BLTP3B: variants seen among roughly 807,000 people sequenced by gnomAD.
The protein encoded by BLTP3B is UHRF1 (ICBP90) binding protein 1-like.
the BLTP3B span, among the ~76,000 whole-genome samples, chr12:100,081,759 T>C: frequency 1.2e-4 from 19 of 152,242 alleles, no homozygotes; most frequent in African/African-American, 4.3e-4. Flanking sequence ...ATTCTTTTCA[T>C]GGCTACATAG....
At chr12:100,122,247 G>C in the BLTP3B span, among the ~76,000 whole-genome samples, 352 of 152,248 alleles carry the variant, frequency 2.3e-3, 8 homozygotes, top group East Asian at 0.04. Flanking sequence ...GCAATTTTAA[G>C]CTTAAAAAAG....
At chr12:100,084,998 T>C in the BLTP3B span, among the ~76,000 whole-genome samples, 1 of 152,092 alleles carries the variant, frequency 6.6e-6, no homozygotes, top group African/African-American at 2.4e-5. Flanking sequence ...GAAAATATTA[T>C]CAAATAAATA....
At chr12:100,142,829 G>GGCC in the BLTP3B span, 2 of 706,758 alleles carry the variant, frequency 2.8e-6, no homozygotes, top group Non-Finnish European at 4.4e-6. Context: ...AGGCCGCCAC[G>GGCC]GCCGCCGCGG....
the BLTP3B span, among the ~76,000 whole-genome samples, chr12:100,136,119 G>A: frequency 6.6e-6 from 1 of 151,506 alleles, no homozygotes; most frequent in Admixed American, 6.6e-5. Flanking sequence ...GCTAGGGCAG[G>A]AGTATTGCTT....
the BLTP3B span, among the ~76,000 whole-genome samples, chr12:100,096,657 A>G: frequency 6.6e-6 from 1 of 150,644 alleles, no homozygotes; most frequent in Non-Finnish European, 1.5e-5. Context: ...TGTCTCTACA[A>G]AAAAAAAATA....
chr12:100,112,075 A>G, the BLTP3B span, among the ~76,000 whole-genome samples: 1 of 152,214 alleles, frequency 6.6e-6, no homozygotes. Flanking sequence ...ACTTCTCTGT[A>G]TAAGTATTCT....
At chr12:100,142,274 G>A in the BLTP3B span, among the ~76,000 whole-genome samples, 1 of 152,240 alleles carries the variant, frequency 6.6e-6, no homozygotes, top group Admixed American at 6.5e-5. Context: ...CCTCCGCTCA[G>A]TACCGCACAG....
At chr12:100,057,672 G>A in the BLTP3B span, 1 of 1,612,508 alleles carries the variant, frequency 6.2e-7, no homozygotes, top group Non-Finnish European at 8.5e-7. Flanking sequence ...CATTTGTGAA[G>A]AGCTTCTTTT....
the BLTP3B span, among the ~76,000 whole-genome samples, chr12:100,140,704 CAA>C: frequency 1.2e-3 from 42 of 33,744 alleles, no homozygotes; most frequent in South Asian, 1.8e-3. Flanking sequence ...GACTCTGTCT[CAA>C]AAAAAAAAAA....
the BLTP3B span, among the ~76,000 whole-genome samples, chr12:100,064,380 G>C: frequency 6.6e-6 from 1 of 152,122 alleles, no homozygotes; most frequent in Non-Finnish European, 1.5e-5. Context: ...AATAATTGAG[G>C]AAAACTTCCC....
chr12:100,117,016 A>G, the BLTP3B span, among the ~76,000 whole-genome samples: 4 of 152,230 alleles, frequency 2.6e-5, no homozygotes, highest in Non-Finnish European at 5.9e-5. Flanking sequence ...GTACTGGATA[A>G]TAACACAAAC....
chr12:100,038,852 A>G, the BLTP3B span, among the ~76,000 whole-genome samples: 9,586 of 152,282 alleles, frequency 0.063, 330 homozygotes, highest in Middle Eastern at 0.15. Context: ...GTTAATTTCA[A>G]ATAGTTCTCA....
chr12:100,100,042 C>T, the BLTP3B span, among the ~76,000 whole-genome samples: 1 of 151,688 alleles, frequency 6.6e-6, no homozygotes, highest in Admixed American at 6.6e-5. Context: ...GTGGCTGTCA[C>T]CTATAATCCT....
At chr12:100,051,221 C>T in the BLTP3B span, 3 of 1,609,622 alleles carry the variant, frequency 1.9e-6, no homozygotes, top group East Asian at 4.5e-5. Flanking sequence ...CTTTTTATTT[C>T]CTGAAATAAC....
chr12:100,041,505 C>T, the BLTP3B span, among the ~76,000 whole-genome samples: 7 of 140,578 alleles, frequency 5.0e-5, no homozygotes, highest in African/African-American at 1.4e-4. Context: ...GGCACAATCT[C>T]GGCTCATTGC....
At chr12:100,085,370 C>T in the BLTP3B span, among the ~76,000 whole-genome samples, 3 of 151,738 alleles carry the variant, frequency 2.0e-5, no homozygotes, top group African/African-American at 7.3e-5. Flanking sequence ...AAAATTTACT[C>T]TATGAATGTT....
the BLTP3B span, among the ~76,000 whole-genome samples, chr12:100,125,355 A>AAC: frequency 1.3e-5 from 2 of 151,308 alleles, no homozygotes; most frequent in Non-Finnish European, 2.9e-5. Flanking sequence ...AAAAAAAAAA[A>AAC]ATCTGGGCAT....
chr12:100,051,329 G>T, the BLTP3B span: 1 of 936,238 alleles, frequency 1.1e-6, no homozygotes, highest in Non-Finnish European at 1.5e-6. Context: ...TCTTTCTCAA[G>T]CACTGCCTCC....
chr12:100,108,570 C>T, the BLTP3B span: 5 of 1,580,768 alleles, frequency 3.2e-6, no homozygotes, highest in African/African-American at 5.4e-5. Context: ...TACACATTGA[C>T]ATTTATTTAT....
Sources: allele counts gnomAD v4.1 joint callset (sites outside exome capture counted in the v4.1 genomes callset), GRCh38; gene constraint gnomAD v4.1.1; transcripts MANE v1.5; gene names NCBI Gene and HGNC (gene_info 2026-07-23, HGNC 2026-07-21).